The following KCNMB2 variants were observed in gnomAD, a reference collection of about 807,000 sequenced individuals.
KCNMB2 encodes potassium calcium-activated channel subfamily M regulatory beta subunit 2, also known as calcium-activated potassium channel subunit beta-2.
KCNMB2 carries 9 observed loss-of-function variants against 24.5 expected under a neutral mutation model. The ratio of observed to expected loss-of-function variants is 0.37; its 90% CI spans 0.22 to 0.64. The LOEUF is 0.64. Among genes scored for constraint, KCNMB2 ranks in the 30% least tolerant of loss-of-function variants. The pLI is 0.63. For missense variants in KCNMB2, 226 were observed against 284.3 expected, an observed-to-expected ratio of 0.79 and a Z score of 1.47; for synonymous variants, 109 against 104.4, an observed-to-expected ratio of 1.04 and a Z score of -0.27.
chr3:178,571,741 T>C (rs910769008), intron 1 of KCNMB2, among the ~76,000 whole-genome samples: 41 of 151,724 alleles, frequency 2.7e-4, no homozygotes, highest in Middle Eastern at 6.8e-3. Flanking sequence ...TGTCCACGTG[T>C]TTTCATTGTT....
intron 1 of KCNMB2, among the ~76,000 whole-genome samples, chr3:178,694,800 GC>G (rs1340577947): frequency 2.6e-4 from 39 of 152,332 alleles, no homozygotes; most frequent in African/African-American, 9.4e-4. Context: ...CCTCCCAGCT[GC>G]TTTCACAGGC....
At chr3:178,593,891 C>T (rs1717770422) in intron 1 of KCNMB2, among the ~76,000 whole-genome samples, 2 of 149,370 alleles carry the variant, frequency 1.3e-5, no homozygotes, top group Non-Finnish European at 3.0e-5. Flanking sequence ...CTCTTGGCCA[C>T]GGCATACCAG....
chr3:178,632,768 C>G (rs370962594), intron 1 of KCNMB2, among the ~76,000 whole-genome samples: 1 of 152,292 alleles, frequency 6.6e-6, no homozygotes, highest in Non-Finnish European at 1.5e-5. Context: ...AAAGTCTTAG[C>G]TCATTCCAGC....
At chr3:178,726,838 C>T (rs774666966) in intron 1 of KCNMB2, among the ~76,000 whole-genome samples, 3 of 151,970 alleles carry the variant, frequency 2.0e-5, no homozygotes, top group Non-Finnish European at 4.4e-5. Flanking sequence ...AGATCACAGC[C>T]TGTCACTATT....
At chr3:178,803,783 T>A (rs1388728048) in intron 1 of KCNMB2, among the ~76,000 whole-genome samples, 1 of 152,002 alleles carries the variant, frequency 6.6e-6, no homozygotes, top group African/African-American at 2.4e-5. Context: ...TGAAACAGGG[T>A]AACTCATTCA....
chr3:178,576,072 A>ACTCTATT (rs1442570446), intron 1 of KCNMB2, among the ~76,000 whole-genome samples: 1 of 152,126 alleles, frequency 6.6e-6, no homozygotes, highest in Non-Finnish European at 1.5e-5. Flanking sequence ...CTGAATAGGA[A>ACTCTATT]CAGCTCTGGT....
rs376005673 is a variant in KCNMB2 at position 178,807,901 on chromosome 3, C to T, written c.56+436C>T. On this transcript the variant is annotated intron_variant, in intron 2 of 4. Transcript: ENST00000452583. ...TTAACTGAATTAATTTTATTAACAA[C>T]AAAAAATAATAAAAATATAATATAA... Among the ~76,000 whole-genome samples, 51 of 151,192 alleles carry T rather than the reference C, an allele frequency of 3.4e-4. 1 individual carries two copies. In the South Asian group the frequency reaches 0.01, roughly 31 times the overall value.
rs1560005050 is a variant in KCNMB2 at position 178,757,374 on chromosome 3, CCAAGAGGATATATATATATGTATA to C, written c.-67-49968_-67-49945del. Reference sequence around the variant, plus strand: ...GATATATATATATATATATATATATCCAAGAGGATATATATATATGTATATATATCCAAGAGGATATATATATAT... The same window carrying C: ...GATATATATATATATATATATATATCTATATCCAAGAGGATATATATATAT... On this transcript the variant is annotated intron_variant, in intron 1 of 4. Coordinates refer to ENST00000452583, the MANE Select transcript of KCNMB2 (RefSeq NM_181361.3). Among the ~76,000 whole-genome samples the C allele has an allele frequency of 3.6e-3, 84 of 23,036 alleles. 2 individuals are homozygous for C. Among genetic ancestry groups the C allele is most frequent in the African/African-American group, 0.015 (68 of 4,600 alleles). The allele number at this position is 23,036 out of a possible 152,430, so 15.1% of individuals were successfully genotyped here. A position where few individuals can be genotyped will look rare whatever the true frequency, so the allele number is the denominator to read the frequency against.
intron 1 of KCNMB2, among the ~76,000 whole-genome samples, chr3:178,733,471 A>T: frequency 6.6e-6 from 1 of 152,002 alleles, no homozygotes; most frequent in African/African-American, 2.4e-5. Context: ...ATTTAAATTT[A>T]TTTTATTTAT....
At chr3:178,550,476 A>AT (rs1358448417) in intron 1 of KCNMB2, among the ~76,000 whole-genome samples, 1 of 151,356 alleles carries the variant, frequency 6.6e-6, no homozygotes, top group African/African-American at 2.4e-5. Flanking sequence ...AAAAAAAAAA[A>AT]AAAAAAGATT....
At chr3:178,601,264 C>T (rs1718074012) in intron 1 of KCNMB2, among the ~76,000 whole-genome samples, 1 of 151,988 alleles carries the variant, frequency 6.6e-6, no homozygotes, top group South Asian at 2.1e-4. Flanking sequence ...TTGATGGGTG[C>T]AGCAAACCAC....
intron 1 of KCNMB2, among the ~76,000 whole-genome samples, chr3:178,599,149 T>C (rs977243414): frequency 6.6e-5 from 10 of 152,166 alleles, no homozygotes; most frequent in Admixed American, 6.6e-5. Flanking sequence ...ATTATAGCAG[T>C]GATTTTCAAA....
chr3:178,804,030 A>G (rs779371820), intron 1 of KCNMB2, among the ~76,000 whole-genome samples: 2 of 152,204 alleles, frequency 1.3e-5, no homozygotes, highest in East Asian at 3.8e-4. Context: ...CAGTTCCTAG[A>G]TCATTTAATG....
chr3:178,597,547 T>C (rs188676031), intron 1 of KCNMB2, among the ~76,000 whole-genome samples: 2 of 152,132 alleles, frequency 1.3e-5, no homozygotes, highest in African/African-American at 4.8e-5. Flanking sequence ...AAGGTTTCAC[T>C]TGGGATAAAA....
intron 1 of KCNMB2, among the ~76,000 whole-genome samples, chr3:178,647,181 G>C (rs1441360802): frequency 6.6e-6 from 1 of 152,080 alleles, no homozygotes; most frequent in Non-Finnish European, 1.5e-5. Context: ...TAGCCTGTCA[G>C]AAAGACCACT....
chr3:178,695,215 G>A (rs929489632), intron 1 of KCNMB2, among the ~76,000 whole-genome samples: 5 of 152,242 alleles, frequency 3.3e-5, no homozygotes, highest in African/African-American at 1.2e-4. Context: ...GAGCAGCTGG[G>A]ATACAGGGAA....
intron 4 of KCNMB2, among the ~76,000 whole-genome samples, chr3:178,833,190 G>A (rs1304210865): frequency 1.3e-5 from 2 of 152,124 alleles, no homozygotes; most frequent in Non-Finnish European, 2.9e-5. Flanking sequence ...CTCCCAGGAT[G>A]CAGCCCTTCA....
At chr3:178,606,358 T>C (rs910492193) in intron 1 of KCNMB2, among the ~76,000 whole-genome samples, 1 of 152,140 alleles carries the variant, frequency 6.6e-6, no homozygotes, top group African/African-American at 2.4e-5. Flanking sequence ...CTAGTGGACC[T>C]AGAGGGCAGA....
chr3:178,632,806 C>G (rs1719368949), intron 1 of KCNMB2, among the ~76,000 whole-genome samples: 1 of 152,166 alleles, frequency 6.6e-6, no homozygotes, highest in Non-Finnish European at 1.5e-5. Flanking sequence ...GGTCCAAAGT[C>G]TCATCTGAGA....
Sources: gnomAD v4.1 joint callset for allele counts (sites outside exome capture counted in the v4.1 genomes callset) on GRCh38, gnomAD v4.1.1 for gene constraint, MANE v1.5 for transcripts, NCBI Gene and HGNC (gene_info 2026-07-23, HGNC 2026-07-21) for gene names.